NSMCE2: variants seen among roughly 807,000 people sequenced by gnomAD.
NSMCE2 encodes the protein E3 SUMO-protein ligase NSE2.
In NSMCE2, 24 loss-of-function variants were observed where a neutral mutation model predicts 23.8. The ratio of observed to expected loss-of-function variants is 1.01; its 90% confidence interval spans 0.73 to 1.42. The LOEUF (loss-of-function observed/expected upper bound fraction) is 1.42. NSMCE2 is among the 40% of genes most tolerant of loss of function. The pLI, the probability that NSMCE2 is intolerant of heterozygous loss-of-function variation, is 0.00. For synonymous variants in NSMCE2, 92 were observed against 94.1 expected, an observed-to-expected ratio of 0.98 and a Z score of 0.13; for missense variants, 284 against 296.5, an observed-to-expected ratio of 0.96 and a Z score of 0.31.
intron 5 of NSMCE2, among the ~76,000 whole-genome samples, chr8:125,216,013 C>G (rs139714489): frequency 1.3e-5 from 2 of 152,336 alleles, no homozygotes; most frequent in East Asian, 3.9e-4. Context: ...GATTGTGCCA[C>G]TGCACTCCAG....
chr8:125,104,205 G>T (rs1818342469), intron 3 of NSMCE2, among the ~76,000 whole-genome samples: 1 of 152,068 alleles, frequency 6.6e-6, no homozygotes. Context: ...GGTCAGGCTG[G>T]TCTCAAACTC....
At chr8:125,180,388 G>A (rs544815372) in intron 4 of NSMCE2, among the ~76,000 whole-genome samples, 7 of 152,224 alleles carry the variant, frequency 4.6e-5, no homozygotes, top group East Asian at 1.9e-4. Flanking sequence ...AAGACAGTCC[G>A]TTCCTACACT....
Position 125,292,006 on chromosome 8 carries a change from T to TG in NSMCE2, c.419-65209dup, listed in dbSNP as rs34695377. 1.1e-4 allele frequency among the ~76,000 whole-genome samples: 16 copies of TG among 152,192 alleles called. No homozygotes were observed. The South Asian group carries it at 3.1e-3, about 30-fold the overall frequency. On this transcript the variant is annotated intron_variant, in intron 5 of 7. Transcript: ENST00000287437. Reference sequence around the variant, plus strand: ...CACTCAATTCATTCAAGCTGGTCCATGGGGAAAGAATGAGATTGGGCCAGG... The same window carrying TG: ...CACTCAATTCATTCAAGCTGGTCCATGGGGGAAAGAATGAGATTGGGCCAGG...
intron 5 of NSMCE2, among the ~76,000 whole-genome samples, chr8:125,270,195 G>A (rs572783909): frequency 2.1e-4 from 32 of 152,200 alleles, no homozygotes; most frequent in Non-Finnish European, 3.5e-4. Flanking sequence ...GTCCAGGTGC[G>A]GTGACTCATG....
At chr8:125,216,650 A>G (rs969030239) in intron 5 of NSMCE2, among the ~76,000 whole-genome samples, 20 of 149,656 alleles carry the variant, frequency 1.3e-4, no homozygotes, top group Non-Finnish European at 2.4e-4. Flanking sequence ...AAAAAAAAAA[A>G]TGGTCTATGG....
intron 5 of NSMCE2, among the ~76,000 whole-genome samples, chr8:125,349,191 G>T (rs774317629): frequency 5.0e-4 from 76 of 152,262 alleles, no homozygotes; most frequent in Admixed American, 9.2e-4. Flanking sequence ...CTGAGTAGGA[G>T]AAACAAATCA....
At chr8:125,149,722 C>T (rs1402979961) in intron 3 of NSMCE2, among the ~76,000 whole-genome samples, 1 of 152,094 alleles carries the variant, frequency 6.6e-6, no homozygotes, top group Non-Finnish European at 1.5e-5. Context: ...ACATAGTAAA[C>T]ATAGTTGTTT....
chr8:125,101,373 A>G (rs1818180604), intron 1 of NSMCE2, among the ~76,000 whole-genome samples: 1 of 152,208 alleles, frequency 6.6e-6, no homozygotes, highest in African/African-American at 2.4e-5. Flanking sequence ...ATGCTAATTA[A>G]TTGTGTACTG....
chr8:125,188,865 C>G (rs1586585226), intron 5 of NSMCE2, among the ~76,000 whole-genome samples: 1 of 152,162 alleles, frequency 6.6e-6, no homozygotes, highest in East Asian at 1.9e-4. Flanking sequence ...TGGGAGCCCC[C>G]TCATCCAGAT....
At chr8:125,170,376 C>CTTTCTTTTT (rs1822124301) in intron 4 of NSMCE2, among the ~76,000 whole-genome samples, 1 of 37,836 alleles carries the variant, frequency 2.6e-5, no homozygotes, top group African/African-American at 8.4e-5. Flanking sequence ...CTCTTTATTT[C>CTTTCTTTTT]TTTTTTTTTT....
At chr8:125,201,927 T>C (rs1823899436) in intron 5 of NSMCE2, among the ~76,000 whole-genome samples, 1 of 144,538 alleles carries the variant, frequency 6.9e-6, no homozygotes, top group Non-Finnish European at 1.5e-5. Flanking sequence ...CCCCACCCCA[T>C]TCCCCCGCCT....
At chr8:125,277,304 C>G (rs1827488620) in intron 5 of NSMCE2, among the ~76,000 whole-genome samples, 1 of 152,124 alleles carries the variant, frequency 6.6e-6, no homozygotes, top group South Asian at 2.1e-4. Context: ...AAAGGTATCT[C>G]CTCCTCAAGT....
At chr8:125,363,532 GAAAGAAAGAA>G (rs1813649283) in intron 7 of NSMCE2, among the ~76,000 whole-genome samples, 2 of 114,178 alleles carry the variant, frequency 1.8e-5, no homozygotes, top group Non-Finnish European at 3.4e-5. Context: ...GAGAAAGAAA[GAAAGAAAGAA>G]AGAGAGAGAG....
intron 5 of NSMCE2, among the ~76,000 whole-genome samples, chr8:125,265,844 G>A (rs537542973): frequency 6.6e-6 from 1 of 151,978 alleles, no homozygotes; most frequent in African/African-American, 2.4e-5. Context: ...AGACTTGTAG[G>A]CCCCATTATT....
chr8:125,188,053 G>A (rs1823183673), intron 5 of NSMCE2, among the ~76,000 whole-genome samples: 1 of 152,042 alleles, frequency 6.6e-6, no homozygotes, highest in African/African-American at 2.4e-5. Context: ...TAGAGACATA[G>A]GAATTCACAT....
chr8:125,286,538 C>G (rs562849044), intron 5 of NSMCE2, among the ~76,000 whole-genome samples: 1 of 152,168 alleles, frequency 6.6e-6, no homozygotes, highest in African/African-American at 2.4e-5. Flanking sequence ...GTCTCAAACT[C>G]CTGACCTCAA....
chr8:125,130,629 G>A (rs560814834), intron 3 of NSMCE2, among the ~76,000 whole-genome samples: 10 of 152,294 alleles, frequency 6.6e-5, no homozygotes, highest in African/African-American at 2.4e-4. Flanking sequence ...ACCAGAAAGT[G>A]ACTGCCTCTA....
chr8:125,284,495 A>G (rs1449521686), intron 5 of NSMCE2, among the ~76,000 whole-genome samples: 1 of 152,214 alleles, frequency 6.6e-6, no homozygotes, highest in African/African-American at 2.4e-5. Context: ...GGATTGTTCA[A>G]CTGCTGACCT....
chr8:125,296,512 A>T (rs1009484983), intron 5 of NSMCE2, among the ~76,000 whole-genome samples: 3 of 149,416 alleles, frequency 2.0e-5, no homozygotes, highest in Non-Finnish European at 2.9e-5. Context: ...CTCCTGCCTC[A>T]GCCTCCCTAG....
Sources: allele counts gnomAD v4.1 joint callset (sites outside exome capture counted in the v4.1 genomes callset), GRCh38; gene constraint gnomAD v4.1.1; transcripts MANE v1.5; gene names NCBI Gene and HGNC (gene_info 2026-07-23, HGNC 2026-07-21).